SLC8A1: variants seen among roughly 807,000 people sequenced by gnomAD.
The protein encoded by SLC8A1 is sodium/calcium exchanger 1.
A neutral mutation model predicts 68.3 loss-of-function variants in SLC8A1; 18 were observed. The observed-to-expected ratio is 0.26, with a 90% CI of 0.18 to 0.39. SLC8A1 has a LOEUF of 0.39. Among genes scored for constraint, SLC8A1 ranks in the 10% least tolerant of loss-of-function variants. The pLI is 1.00. For missense variants in SLC8A1, 985 were observed against 1,156.7 expected (o/e 0.85, Z 2.15); for synonymous variants, 475 against 415.5 (o/e 1.14, Z -1.74).
intron 2 of SLC8A1, among the ~76,000 whole-genome samples, chr2:40,237,108 TC>T (rs1225166639): frequency 2.0e-5 from 3 of 151,780 alleles, no homozygotes; most frequent in African/African-American, 7.3e-5. Context: ...TCGAGGAGTA[TC>T]TTTGTGGCGT....
intron 2 of SLC8A1, among the ~76,000 whole-genome samples, chr2:40,401,567 CAAAAAAAAA>C (rs3060361): frequency 1.5e-4 from 14 of 94,092 alleles, no homozygotes; most frequent in South Asian, 8.2e-4. Flanking sequence ...ATAGGCCAGT[CAAAAAAAAA>C]AAAAAAAAAA....
chr2:40,399,126 A>G (rs1236409137), intron 2 of SLC8A1, among the ~76,000 whole-genome samples: 2 of 152,202 alleles, frequency 1.3e-5, no homozygotes, highest in African/African-American at 4.8e-5. Flanking sequence ...AGAACAGGTA[A>G]AACAGCCAAA....
At chr2:40,248,613 A>C (rs1029221270) in intron 2 of SLC8A1, among the ~76,000 whole-genome samples, 1 of 152,290 alleles carries the variant, frequency 6.6e-6, no homozygotes, top group South Asian at 2.1e-4. Flanking sequence ...GTCCAAATGA[A>C]CTAAGATATC....
intron 6 of SLC8A1, among the ~76,000 whole-genome samples, chr2:40,155,112 G>A (rs1487501238): frequency 2.7e-5 from 4 of 150,636 alleles, no homozygotes; most frequent in Non-Finnish European, 5.9e-5. Flanking sequence ...TGTCAAATCT[G>A]ACACAGCAGA....
At chr2:40,328,139 T>C (rs562231588) in intron 2 of SLC8A1, among the ~76,000 whole-genome samples, 1 of 152,158 alleles carries the variant, frequency 6.6e-6, no homozygotes. Context: ...TTTGGATGAG[T>C]TGAGGTAGAA....
chr2:40,324,536 T>C (rs2075595175), intron 2 of SLC8A1, among the ~76,000 whole-genome samples: 1 of 152,194 alleles, frequency 6.6e-6, no homozygotes, highest in Non-Finnish European at 1.5e-5. Flanking sequence ...ATTCCTGCTC[T>C]AAATATGATT....
chr2:40,130,509 C>T (rs967159243), intron 7 of SLC8A1, among the ~76,000 whole-genome samples: 1 of 152,228 alleles, frequency 6.6e-6, no homozygotes, highest in East Asian at 1.9e-4. Flanking sequence ...CCGTGCTGCC[C>T]GTCTGGCAGT....
chr2:40,236,368 C>G (rs1356112164), intron 2 of SLC8A1, among the ~76,000 whole-genome samples: 1 of 152,116 alleles, frequency 6.6e-6, no homozygotes, highest in African/African-American at 2.4e-5. Context: ...CCTTCTTTGT[C>G]TCTTTTGATC....
chr2:40,220,614 T>C (rs1000120055), intron 2 of SLC8A1, among the ~76,000 whole-genome samples: 4 of 152,204 alleles, frequency 2.6e-5, no homozygotes, highest in African/African-American at 9.6e-5. Flanking sequence ...TTCTGCTAAC[T>C]CCTAACCTGG....
At chr2:40,145,159 C>A (rs79464755) in intron 6 of SLC8A1, among the ~76,000 whole-genome samples, 1 of 151,152 alleles carries the variant, frequency 6.6e-6, no homozygotes, top group African/African-American at 2.4e-5. Context: ...TATATATTTT[C>A]CACATATAAG....
intron 2 of SLC8A1, among the ~76,000 whole-genome samples, chr2:40,356,359 T>C (rs1222483881): frequency 6.6e-6 from 1 of 152,194 alleles, no homozygotes; most frequent in Non-Finnish European, 1.5e-5. Context: ...AAAAACCAAT[T>C]CCTGCTCTCA....
intron 2 of SLC8A1, among the ~76,000 whole-genome samples, chr2:40,296,776 T>C (rs1448777139): frequency 1.3e-5 from 2 of 152,204 alleles, no homozygotes; most frequent in African/African-American, 4.8e-5. Flanking sequence ...GATGCTGAAA[T>C]TGCCATGAGC....
exon 1 of SLC8A1, chr2:40,451,986 C>T (rs1702599105): frequency 6.6e-6 from 1 of 151,958 alleles, no homozygotes; most frequent in African/African-American, 2.4e-5. Context: ...TTTTAAACAG[C>T]TCCCGATCAG....
intron 7 of SLC8A1, among the ~76,000 whole-genome samples, chr2:40,129,570 A>G (rs2038902922): frequency 6.6e-6 from 1 of 152,174 alleles, no homozygotes; most frequent in Non-Finnish European, 1.5e-5. Flanking sequence ...GAGAAATAAA[A>G]GTCATCAACT....
At chr2:40,101,752 T>A (rs1279739566) in exon 8 of SLC8A1, 4 of 152,144 alleles carry the variant, frequency 2.6e-5, no homozygotes, top group Admixed American at 6.6e-5. Flanking sequence ...CCACTCAGAA[T>A]GCTGTGTCAT....
upstream of SLC8A1, chr2:40,453,408 C>A (rs1702785708): frequency 6.6e-6 from 1 of 152,144 alleles, no homozygotes; most frequent in Non-Finnish European, 1.5e-5. Context: ...CCCATACTTA[C>A]AGTGCAACCA....
chr2:40,283,543 G>A (rs188124454), intron 2 of SLC8A1, among the ~76,000 whole-genome samples: 9 of 152,256 alleles, frequency 5.9e-5, no homozygotes, highest in African/African-American at 1.7e-4. Flanking sequence ...CACATACCCA[G>A]CACTGTTTTT....
chr2:40,149,957 T>G (rs546733469), intron 6 of SLC8A1, among the ~76,000 whole-genome samples: 1 of 150,934 alleles, frequency 6.6e-6, no homozygotes, highest in East Asian at 2.0e-4. Flanking sequence ...AAATGAGCAA[T>G]GCTTTATGGT....
intron 2 of SLC8A1, among the ~76,000 whole-genome samples, chr2:40,412,804 T>G (rs1335711953): frequency 6.6e-6 from 1 of 152,214 alleles, no homozygotes; most frequent in Non-Finnish European, 1.5e-5. Context: ...TTACTATGGA[T>G]GAAAACTATT....
Sources: gnomAD v4.1 joint callset for allele counts (sites outside exome capture counted in the v4.1 genomes callset) on GRCh38, gnomAD v4.1.1 for gene constraint, MANE v1.5 for transcripts, NCBI Gene and HGNC (gene_info 2026-07-23, HGNC 2026-07-21) for gene names.